CCNY: variants seen among roughly 807,000 people sequenced by gnomAD.
The protein encoded by CCNY is cyclin-Y.
CCNY carries 19 observed loss-of-function variants against 42.8 expected under a neutral mutation model. The observed-to-expected ratio is 0.44, with a 90% confidence interval of 0.31 to 0.65. CCNY has a LOEUF of 0.65. CCNY is among the 30% of genes least tolerant of loss of function. The pLI, the probability that CCNY is intolerant of heterozygous loss-of-function variation, is 0.07. For synonymous variants in CCNY, 165 were observed against 162.7 expected (o/e 1.01, Z -0.11); for missense variants, 370 against 437.3 (o/e 0.85, Z 1.37).
intron 9 of CCNY, 60 bp downstream of exon 9, chr10:35,566,245 C>T: frequency 6.6e-7 from 1 of 1,505,132 alleles, no homozygotes. Context: ...ATCTGAGTAC[C>T]AGAGATGCAT....
chr10:35,430,389 G>C (rs567368872), intron 1 of CCNY, among the ~76,000 whole-genome samples: 1 of 142,760 alleles, frequency 7.0e-6, no homozygotes, highest in Admixed American at 7.1e-5. Flanking sequence ...TCCTGCCATA[G>C]AGTTTCACAT....
At chr10:35,537,301 A>T (rs949494813) in intron 7 of CCNY, among the ~76,000 whole-genome samples, 2 of 152,208 alleles carry the variant, frequency 1.3e-5, no homozygotes, top group African/African-American at 4.8e-5. Context: ...CGGGGCCCTC[A>T]ATGGAGAACC....
At chr10:35,312,747 C>CTT (rs10688043) in intron 3 of CCNY, among the ~76,000 whole-genome samples, 31,462 of 112,012 alleles carry the variant, frequency 0.28, 4,874 homozygotes, top group East Asian at 0.34. Context: ...TTCCTTTTTA[C>CTT]TTTTTTTTTT....
At chr10:35,360,267 T>C (rs1246372375) in intron 1 of CCNY, among the ~76,000 whole-genome samples, 3 of 147,408 alleles carry the variant, frequency 2.0e-5, no homozygotes, top group African/African-American at 7.5e-5. Flanking sequence ...TAAATTTCTT[T>C]TTTTTCCTTT....
chr10:35,307,467 C>T (rs1323292213), intron 3 of CCNY, among the ~76,000 whole-genome samples: 1 of 152,058 alleles, frequency 6.6e-6, no homozygotes, highest in South Asian at 2.1e-4. Flanking sequence ...AGTTGTTAAG[C>T]CAACAAACAT....
intron 1 of CCNY, among the ~76,000 whole-genome samples, chr10:35,361,355 C>A (rs944704265): frequency 5.3e-5 from 8 of 152,056 alleles, no homozygotes; most frequent in Non-Finnish European, 1.0e-4. Context: ...TTATTAATTA[C>A]CACAGGTAAT....
intron 1 of CCNY, among the ~76,000 whole-genome samples, chr10:35,430,360 A>AAAAAG (rs1564408068): frequency 6.7e-6 from 1 of 150,052 alleles, no homozygotes; most frequent in African/African-American, 2.5e-5. Flanking sequence ...AAAAAAAAAA[A>AAAAAG]AGTGATGAGA....
At chr10:35,457,667 A>G (rs1317931091) in intron 1 of CCNY, among the ~76,000 whole-genome samples, 1 of 150,586 alleles carries the variant, frequency 6.6e-6, no homozygotes, top group East Asian at 2.0e-4. Flanking sequence ...TGCAAGCTTC[A>G]CCTCCCAGGT....
At chr10:35,548,446 G>A (rs1007218346) in intron 7 of CCNY, among the ~76,000 whole-genome samples, 22 of 151,680 alleles carry the variant, frequency 1.5e-4, no homozygotes, top group Admixed American at 9.9e-4. Flanking sequence ...TCACAGGCGC[G>A]TACACCATGC....
At chr10:35,405,185 C>G (rs929160089) in intron 1 of CCNY, among the ~76,000 whole-genome samples, 1 of 152,132 alleles carries the variant, frequency 6.6e-6, no homozygotes, top group African/African-American at 2.4e-5. Context: ...AGTTTACAGG[C>G]TTTAAAAGGC....
intron 1 of CCNY, among the ~76,000 whole-genome samples, chr10:35,479,239 A>G (rs1442296413): frequency 6.6e-6 from 1 of 151,916 alleles, no homozygotes; most frequent in African/African-American, 2.4e-5. Flanking sequence ...CATTTGACCC[A>G]GCCATCCCAT....
At chr10:35,364,646 T>G (rs1836770951) in intron 1 of CCNY, among the ~76,000 whole-genome samples, 1 of 152,242 alleles carries the variant, frequency 6.6e-6, no homozygotes, top group African/African-American at 2.4e-5. Context: ...GAACATTACC[T>G]GCATTAATAT....
chr10:35,355,670 A>C, intron 1 of CCNY, among the ~76,000 whole-genome samples: 2 of 99,122 alleles, frequency 2.0e-5, no homozygotes, highest in East Asian at 3.4e-4. Context: ...AGAGCAAGAT[A>C]CTGTCTCCAA....
intron 3 of CCNY, among the ~76,000 whole-genome samples, chr10:35,278,986 A>G (rs1291491061): frequency 2.0e-5 from 3 of 152,170 alleles, no homozygotes; most frequent in Admixed American, 1.3e-4. Context: ...CCATAGAAAA[A>G]CAAACAACCA....
intron 2 of CCNY, among the ~76,000 whole-genome samples, chr10:35,492,382 G>A (rs1450727455): frequency 6.6e-6 from 1 of 152,206 alleles, no homozygotes; most frequent in African/African-American, 2.4e-5. Flanking sequence ...TCCATTGATT[G>A]TGATAGACAC....
At chr10:35,560,808 G>C (rs1412732308) in intron 8 of CCNY, among the ~76,000 whole-genome samples, 1 of 152,188 alleles carries the variant, frequency 6.6e-6, no homozygotes, top group Non-Finnish European at 1.5e-5. Context: ...ACTTCATTCA[G>C]TCTTTCCCAG....
At chr10:35,552,940 T>C in intron 7 of CCNY, 79 bp from the exon 8 acceptor site, 1 of 1,371,412 alleles carries the variant, frequency 7.3e-7, no homozygotes, top group Non-Finnish European at 1.0e-6. Flanking sequence ...ATGTAATACA[T>C]ATTTTAGCAT....
chr10:35,397,506 A>G (rs1346599429), intron 1 of CCNY, among the ~76,000 whole-genome samples: 3 of 152,174 alleles, frequency 2.0e-5, no homozygotes, highest in African/African-American at 4.8e-5. Context: ...TGGGGATACC[A>G]TTTCCCTCTT....
chr10:35,303,172 G>C (rs546362524), intron 3 of CCNY, among the ~76,000 whole-genome samples: 17 of 152,080 alleles, frequency 1.1e-4, no homozygotes, highest in Non-Finnish European at 2.4e-4. Flanking sequence ...ATGGGTGACA[G>C]AGTAAGATCC....
Sources: allele counts gnomAD v4.1 joint callset (sites outside exome capture counted in the v4.1 genomes callset), GRCh38; gene constraint gnomAD v4.1.1; transcripts MANE v1.5; gene names NCBI Gene and HGNC (gene_info 2026-07-23, HGNC 2026-07-21).